Variants in RBMS3 observed in about 807,000 individuals in gnomAD.
RBMS3 encodes RNA-binding motif, single-stranded-interacting protein 3.
A neutral mutation model predicts 66.8 loss-of-function variants in RBMS3; 27 were observed. The ratio of observed to expected loss-of-function variants is 0.40; its 90% CI spans 0.30 to 0.56. RBMS3 has a LOEUF of 0.56. RBMS3 is among the 20% of genes least tolerant of loss of function. The pLI, the probability that RBMS3 is intolerant of heterozygous loss-of-function variation, is 0.40. For missense variants in RBMS3, 513 were observed against 549.5 expected (o/e 0.93, Z 0.66); for synonymous variants, 188 against 183.0 (o/e 1.03, Z -0.22).
At chr3:29,868,208 G>C (rs977875354) in intron 6 of RBMS3, among the ~76,000 whole-genome samples, 2 of 151,554 alleles carry the variant, frequency 1.3e-5, no homozygotes, top group Non-Finnish European at 2.9e-5. Flanking sequence ...ACCACATCAA[G>C]CAATCTGGGA....
At chr3:29,951,350 A>C (rs565690898) in intron 12 of RBMS3, among the ~76,000 whole-genome samples, 6 of 151,970 alleles carry the variant, frequency 3.9e-5, no homozygotes, top group Middle Eastern at 3.4e-3. Flanking sequence ...AGAAAAAATC[A>C]AAATGATTTT....
chr3:29,909,576 T>G (rs2060467569), intron 10 of RBMS3, among the ~76,000 whole-genome samples: 1 of 152,126 alleles, frequency 6.6e-6, no homozygotes, highest in African/African-American at 2.4e-5. Flanking sequence ...TCTAGAATCT[T>G]TTGAAATACA....
At chr3:29,876,482 T>C (rs550664314) in intron 7 of RBMS3, among the ~76,000 whole-genome samples, 4 of 152,168 alleles carry the variant, frequency 2.6e-5, no homozygotes, top group Non-Finnish European at 5.9e-5. Context: ...AGCTAACATT[T>C]ATAGAGCCTC....
chr3:29,924,022 G>A (rs544433422), intron 10 of RBMS3, among the ~76,000 whole-genome samples: 1 of 152,264 alleles, frequency 6.6e-6, no homozygotes, highest in South Asian at 2.1e-4. Flanking sequence ...AGTTGCTATA[G>A]AAAAAGAAAT....
At chr3:29,651,734 T>C (rs1049245421) in intron 4 of RBMS3, among the ~76,000 whole-genome samples, 7 of 152,144 alleles carry the variant, frequency 4.6e-5, no homozygotes, top group Non-Finnish European at 1.0e-4. Flanking sequence ...ATCCTATTAC[T>C]ACAACTTAGT....
At chr3:29,640,007 C>T (rs914879709) in intron 4 of RBMS3, among the ~76,000 whole-genome samples, 1 of 151,810 alleles carries the variant, frequency 6.6e-6, no homozygotes, top group Non-Finnish European at 1.5e-5. Context: ...ATAATCCCCT[C>T]CTATGCCCTG....
At chr3:29,457,941 C>A (rs750193528) in intron 2 of RBMS3, among the ~76,000 whole-genome samples, 1 of 145,984 alleles carries the variant, frequency 6.9e-6, no homozygotes, top group Non-Finnish European at 1.5e-5. Context: ...AGCTTTTTAT[C>A]TTCCCCACCA....
chr3:29,559,546 A>C (rs1184865430), intron 3 of RBMS3, among the ~76,000 whole-genome samples: 5 of 138,264 alleles, frequency 3.6e-5, no homozygotes, highest in African/African-American at 8.3e-5. Context: ...AAAAAAAAAA[A>C]AAAAAAACCT....
intron 2 of RBMS3, among the ~76,000 whole-genome samples, chr3:29,483,542 T>C (rs935836643): frequency 2.0e-5 from 3 of 152,082 alleles, no homozygotes; most frequent in East Asian, 3.9e-4. Context: ...TCTAGCAACC[T>C]GTGTTGATAA....
intron 3 of RBMS3, among the ~76,000 whole-genome samples, chr3:29,517,791 A>G (rs1404951283): frequency 6.6e-6 from 1 of 152,206 alleles, no homozygotes; most frequent in Non-Finnish European, 1.5e-5. Context: ...TATAGAAGTC[A>G]AGGCAGATCA....
intron 6 of RBMS3, 82 bp downstream of exon 6, chr3:29,763,071 G>T: frequency 1.1e-6 from 1 of 932,208 alleles, no homozygotes; most frequent in Non-Finnish European, 1.7e-6. Context: ...TAAAGCCCTT[G>T]TTGATCACTG....
intron 6 of RBMS3, among the ~76,000 whole-genome samples, chr3:29,784,744 G>C (rs1175252452): frequency 6.6e-6 from 1 of 151,938 alleles, no homozygotes; most frequent in Non-Finnish European, 1.5e-5. Context: ...AAAACAAAAA[G>C]CTCATTTTTT....
intron 14 of RBMS3, among the ~76,000 whole-genome samples, chr3:29,999,929 A>G (rs1699504580): frequency 6.6e-6 from 1 of 151,964 alleles, no homozygotes; most frequent in Non-Finnish European, 1.5e-5. Flanking sequence ...TAATAATTTA[A>G]AAAAAGACCT....
chr3:29,504,905 A>G (rs182248589), intron 3 of RBMS3, among the ~76,000 whole-genome samples: 1 of 152,140 alleles, frequency 6.6e-6, no homozygotes, highest in East Asian at 1.9e-4. Flanking sequence ...AGAAATATCT[A>G]TTCAGGTCCT....
At chr3:29,847,068 C>A (rs2058800127) in intron 6 of RBMS3, among the ~76,000 whole-genome samples, 1 of 152,134 alleles carries the variant, frequency 6.6e-6, no homozygotes, top group African/African-American at 2.4e-5. Context: ...AGAGTAAATA[C>A]ATTTGTCATT....
In RBMS3 at chr3:29,490,161, A is replaced by AAAATTTAAAATTAATTG. The variant is rs1553610537; in HGVS notation, c.307+1664_307+1665insATTTAAAATTAATTGAA. On this transcript the variant is annotated intron_variant, in intron 3 of 14. Coordinates refer to ENST00000383767, the MANE Select transcript of RBMS3 (RefSeq NM_001003793.3). ...TAAATTTAAAATTTAATTTAAAATT[A>AAAATTTAAAATTAATTG]AATTTAATTTAAAATTAAAATTTAA... Among the ~76,000 whole-genome samples, 4 of 148,858 alleles carry AAAATTTAAAATTAATTG rather than the reference A, an allele frequency of 2.7e-5. 1 individual carries two copies. Among genetic ancestry groups the AAAATTTAAAATTAATTG allele is most frequent in the African/African-American group, 1.0e-4 (4 of 39,576 alleles).
At chr3:29,448,137 C>T (rs2041897245) in intron 2 of RBMS3, among the ~76,000 whole-genome samples, 1 of 152,232 alleles carries the variant, frequency 6.6e-6, no homozygotes, top group African/African-American at 2.4e-5. Context: ...GCACAGTGAA[C>T]TCTCTGATCG....
intron 10 of RBMS3, among the ~76,000 whole-genome samples, chr3:29,902,285 T>C (rs976557907): frequency 7.2e-5 from 11 of 152,048 alleles, no homozygotes; most frequent in Non-Finnish European, 1.5e-4. Context: ...AAAAGAGCAC[T>C]CAATAAATTA....
intron 4 of RBMS3, among the ~76,000 whole-genome samples, chr3:29,714,625 C>T (rs2053313652): frequency 6.6e-6 from 1 of 152,180 alleles, no homozygotes; most frequent in Admixed American, 6.5e-5. Context: ...TAGCTGTCAT[C>T]TTCCTGGAAG....
Sources: allele counts gnomAD v4.1 joint callset (sites outside exome capture counted in the v4.1 genomes callset), GRCh38; gene constraint gnomAD v4.1.1; transcripts MANE v1.5; gene names NCBI Gene and HGNC (gene_info 2026-07-23, HGNC 2026-07-21).